Variants in DACH2 observed in about 807,000 individuals in gnomAD.
DACH2 encodes dachshund family transcription factor 2, also known as dachshund homolog 2.
Under a neutral mutation model 35.8 loss-of-function variants are expected in DACH2, and 17 were observed. That is an observed-to-expected ratio of 0.48 (90% CI 0.33 to 0.71). The LOEUF (loss-of-function observed/expected upper bound fraction) is 0.71, where lower values mean the gene tolerates loss of function less well. Ranked by LOEUF, DACH2 falls within the 30% of genes least tolerant of loss-of-function variation. The pLI is 0.02. For missense variants in DACH2, 469 were observed against 472.7 expected, an observed-to-expected ratio of 0.99 and a Z score of 0.07; for synonymous variants, 195 against 177.3, an observed-to-expected ratio of 1.10 and a Z score of -0.79.
chrX:86,725,627 G>T (rs759916246), intron 6 of DACH2, among the ~76,000 whole-genome samples: 13 of 111,295 alleles, frequency 1.2e-4, no homozygotes, highest in African/African-American at 2.6e-4. Flanking sequence ...GGGCCAGTTC[G>T]TGGGCCTCCA....
intron 4 of DACH2, among the ~76,000 whole-genome samples, chrX:86,663,602 T>C (rs907232138): frequency 1.1e-4 from 12 of 111,719 alleles, no homozygotes; most frequent in Non-Finnish European, 1.9e-5. Flanking sequence ...AGACACAAAC[T>C]CTGCCTGTTT....
intron 6 of DACH2, among the ~76,000 whole-genome samples, chrX:86,734,421 T>C (rs2041573586): frequency 9.0e-6 from 1 of 111,262 alleles, no homozygotes; most frequent in African/African-American, 3.3e-5. Flanking sequence ...TAACCATTCC[T>C]AGAGAAACAA....
chrX:86,734,909 T>G (rs1382052553), intron 6 of DACH2, among the ~76,000 whole-genome samples: 1 of 111,354 alleles, frequency 9.0e-6, no homozygotes, highest in Non-Finnish European at 1.9e-5. Context: ...TCAAGACAAA[T>G]ACATGCATAA....
At chrX:86,270,676 A>G (rs749058721) in intron 1 of DACH2, among the ~76,000 whole-genome samples, 2 of 112,184 alleles carry the variant, frequency 1.8e-5, no homozygotes, top group South Asian at 7.4e-4. Flanking sequence ...TTTTCTACAT[A>G]TTTTAGAAAA....
At position 86,377,300 on chromosome X, in the gene DACH2, C is replaced by A. The variant is rs1007311349; in HGVS notation, c.527+438C>A. On this transcript the variant is annotated intron_variant, in intron 2 of 11. Transcript: ENST00000373125. ...TGCTACAACGATAATGGAAAAGAAT[C>A]TGGCTTTCTAATCTTCTGAGTCATT... Among the ~76,000 whole-genome samples, 3 of 111,540 alleles carry A rather than the reference C, an allele frequency of 2.7e-5. No homozygotes were observed. In the Admixed American group the frequency reaches 2.9e-4, roughly 11 times the overall value.
intron 6 of DACH2, among the ~76,000 whole-genome samples, chrX:86,738,532 A>G (rs2041620561): frequency 8.9e-6 from 1 of 111,828 alleles, no homozygotes; most frequent in Admixed American, 9.6e-5. Flanking sequence ...ATTTTATAGA[A>G]CATTCTCTGT....
At chrX:86,689,436 ATAT>A (rs2040985784) in intron 4 of DACH2, among the ~76,000 whole-genome samples, 1 of 56,971 alleles carries the variant, frequency 1.8e-5, no homozygotes, top group Admixed American at 2.4e-4. Context: ...CACTTATACT[ATAT>A]TATTATTTAC....
chrX:86,552,110 T>A (rs753581742), intron 3 of DACH2, among the ~76,000 whole-genome samples: 5 of 111,833 alleles, frequency 4.5e-5, no homozygotes, highest in Non-Finnish European at 9.4e-5. Context: ...TCTATGAGTG[T>A]CTTGGGGTTT....
rs2032395029 is a variant in DACH2, at chrX:86,209,465, T to G, written c.488+60357T>G. 4.5e-5 allele frequency among the ~76,000 whole-genome samples: 5 copies of G among 112,001 alleles called. No individual in the cohort carries two copies. In the Admixed American group the frequency reaches 4.7e-4, roughly 11 times the overall value. On this transcript the variant is annotated intron_variant, in intron 1 of 11. Transcript: ENST00000373125. ...TTTGAGATTATTGTTATGTGTAGTGTTAAGTGAAGCCAGAAATGACACTTT... is the reference window on the plus strand; with the variant it reads ...TTTGAGATTATTGTTATGTGTAGTGGTAAGTGAAGCCAGAAATGACACTTT...
intron 1 of DACH2, among the ~76,000 whole-genome samples, chrX:86,373,580 G>A (rs1427367230): frequency 1.8e-5 from 2 of 110,701 alleles, no homozygotes; most frequent in Admixed American, 9.7e-5. Flanking sequence ...GGTATATTGG[G>A]TGATCTGACA....
chrX:86,712,759 T>A (rs919689139), intron 5 of DACH2, among the ~76,000 whole-genome samples: 7 of 110,956 alleles, frequency 6.3e-5, no homozygotes, highest in Non-Finnish European at 1.1e-4. Flanking sequence ...CTCATAAGTT[T>A]AGTTTGGAAA....
At chrX:86,297,103 C>T (rs914965097) in intron 1 of DACH2, among the ~76,000 whole-genome samples, 1 of 104,186 alleles carries the variant, frequency 9.6e-6, no homozygotes, top group Admixed American at 1.1e-4. Context: ...AAAAACATTA[C>T]AATTGTACAC....
intron 3 of DACH2, among the ~76,000 whole-genome samples, chrX:86,598,490 C>T (rs1211567966): frequency 9.0e-6 from 1 of 111,401 alleles, no homozygotes; most frequent in East Asian, 2.9e-4. Context: ...AACATAAATG[C>T]TGCATAGTCT....
chrX:86,296,618 G>A (rs1602374157), intron 1 of DACH2, among the ~76,000 whole-genome samples: 1 of 110,680 alleles, frequency 9.0e-6, no homozygotes, highest in Non-Finnish European at 1.9e-5. Flanking sequence ...TTGTTACTGT[G>A]CTTTCTTTTG....
intron 5 of DACH2, among the ~76,000 whole-genome samples, chrX:86,698,521 GTT>G (rs767152609): frequency 0.011 from 360 of 32,916 alleles, 1 homozygote; most frequent in African/African-American, 0.021. Context: ...TTAGTTTTGT[GTT>G]TTTTTTTTTT....
intron 4 of DACH2, among the ~76,000 whole-genome samples, chrX:86,684,086 T>A (rs1254052306): frequency 9.0e-6 from 1 of 111,389 alleles, no homozygotes; most frequent in Non-Finnish European, 1.9e-5. Flanking sequence ...ACCTCGCCAC[T>A]CCAAAGCATA....
intron 3 of DACH2, among the ~76,000 whole-genome samples, chrX:86,567,080 C>T (rs188082340): frequency 2.7e-5 from 3 of 111,040 alleles, no homozygotes; most frequent in East Asian, 2.9e-4. Context: ...TCTTGAAGGA[C>T]GGGTAGTGTT....
intron 1 of DACH2, among the ~76,000 whole-genome samples, chrX:86,236,919 C>T (rs915689191): frequency 1.1e-4 from 12 of 112,252 alleles, no homozygotes; most frequent in East Asian, 8.3e-4. Context: ...TTTTACTTTA[C>T]GAACTTCTAT....
chrX:86,428,790 C>CGTTT lies in DACH2; in HGVS notation c.527+51928_527+51929insGTTT, dbSNP rs1385795639. ...TTTTGAAAAAAAAAAAAATTTCAAA[C>CGTTT]TCTTTAATGGCCTGGATTTGTCTGA... On this transcript the variant is annotated intron_variant, in intron 2 of 11. Coordinates refer to ENST00000373125, the MANE Select transcript of DACH2 (RefSeq NM_053281.3). 1.0e-4 allele frequency among the ~76,000 whole-genome samples: 11 copies of CGTTT among 109,386 alleles called. No individual in the cohort carries two copies. The East Asian group carries it at 3.2e-3, about 31-fold the overall frequency. 95.0% of individuals were successfully genotyped at this position (109,386 alleles called of 115,157 possible). A position where few individuals can be genotyped will look rare whatever the true frequency, so the allele number is the denominator to read the frequency against.
Sources: gnomAD v4.1 joint callset for allele counts (sites outside exome capture counted in the v4.1 genomes callset) on GRCh38, gnomAD v4.1.1 for gene constraint, MANE v1.5 for transcripts, NCBI Gene and HGNC (gene_info 2026-07-23, HGNC 2026-07-21) for gene names.